The following ROBO2 variants were observed in gnomAD, a reference collection of about 807,000 sequenced individuals.
The protein encoded by ROBO2 is roundabout homolog 2.
Under a neutral mutation model 160.8 loss-of-function variants are expected in ROBO2, and 53 were observed. The observed-to-expected ratio is 0.33, with a 90% CI of 0.26 to 0.41. The LOEUF is 0.41. Among genes scored for constraint, ROBO2 ranks in the 10% least tolerant of loss-of-function variants. The probability of loss-of-function intolerance (pLI) is 1.00; values close to 1 mark genes in which losing one functional copy is unlikely to be tolerated. For missense variants in ROBO2, 1,577 were observed against 1,722.4 expected, an observed-to-expected ratio of 0.92 and a Z score of 1.49; for synonymous variants, 664 against 611.7, an observed-to-expected ratio of 1.09 and a Z score of -1.26.
chr3:76,790,345 G>A (rs894517670), intron 2 of ROBO2, among the ~76,000 whole-genome samples: 3 of 151,664 alleles, frequency 2.0e-5, no homozygotes, highest in Non-Finnish European at 4.4e-5. Context: ...TGATGAAGGA[G>A]TTGCAGAGTA....
intron 2 of ROBO2, among the ~76,000 whole-genome samples, chr3:76,850,354 T>C (rs1231301913): frequency 1.3e-5 from 2 of 152,108 alleles, no homozygotes; most frequent in African/African-American, 4.8e-5. Flanking sequence ...CTGCGCTGAG[T>C]ACTTACAACA....
At chr3:75,977,653 A>T (rs949280003) in intron 2 of ROBO2, among the ~76,000 whole-genome samples, 1 of 151,504 alleles carries the variant, frequency 6.6e-6, no homozygotes, top group Non-Finnish European at 1.5e-5. Context: ...ACTAGGATGG[A>T]TGAACGCTCA....
chr3:76,230,142 C>T (rs1576001441), intron 2 of ROBO2, among the ~76,000 whole-genome samples: 2 of 152,210 alleles, frequency 1.3e-5, no homozygotes, highest in East Asian at 3.9e-4. Context: ...ACTTGATACC[C>T]ACACATCTAT....
chr3:77,046,782 T>C (rs2064714396), intron 1 of ROBO2, among the ~76,000 whole-genome samples: 1 of 152,216 alleles, frequency 6.6e-6, no homozygotes, highest in African/African-American at 2.4e-5. Context: ...TGAGCTTGAA[T>C]ATGTTTAGGT....
chr3:76,218,914 A>G (rs1157077038), intron 2 of ROBO2, among the ~76,000 whole-genome samples: 2 of 152,222 alleles, frequency 1.3e-5, no homozygotes, highest in South Asian at 2.1e-4. Flanking sequence ...TTCAAACTAT[A>G]CTACAAGGCT....
chr3:76,538,747 C>A (rs917126367), intron 2 of ROBO2, among the ~76,000 whole-genome samples: 1 of 152,186 alleles, frequency 6.6e-6, no homozygotes, highest in Non-Finnish European at 1.5e-5. Flanking sequence ...TCCCTCCCTT[C>A]CCTCTCTAGT....
chr3:77,491,530 T>C (rs145699581), intron 4 of ROBO2, among the ~76,000 whole-genome samples: 186 of 152,284 alleles, frequency 1.2e-3, no homozygotes, highest in African/African-American at 4.3e-3. Flanking sequence ...CCAGAAATGA[T>C]AGCTCAATAC....
chr3:77,197,680 A>G (rs1243744807), intron 2 of ROBO2, among the ~76,000 whole-genome samples: 1 of 152,254 alleles, frequency 6.6e-6, no homozygotes, highest in Non-Finnish European at 1.5e-5. Flanking sequence ...GCTAGACAGA[A>G]TAAAGGTCTC....
chr3:77,326,382 A>G (rs894391991), intron 2 of ROBO2, among the ~76,000 whole-genome samples: 3 of 152,144 alleles, frequency 2.0e-5, no homozygotes, highest in African/African-American at 7.2e-5. Context: ...TCAGTTTACC[A>G]CTCTGTTGAT....
At chr3:76,000,334 A>T (rs1023862724) in intron 2 of ROBO2, among the ~76,000 whole-genome samples, 1 of 152,274 alleles carries the variant, frequency 6.6e-6, no homozygotes, top group South Asian at 2.1e-4. Context: ...ACCCATAAAA[A>T]TTGTTCTAAA....
chr3:77,429,680 G>T (rs1330499826), intron 2 of ROBO2, among the ~76,000 whole-genome samples: 1 of 150,296 alleles, frequency 6.7e-6, no homozygotes, highest in Non-Finnish European at 1.5e-5. Flanking sequence ...AAATTCATGA[G>T]AATCAGACCT....
At chr3:76,798,282 A>AAGAAAGAAAGAG in intron 2 of ROBO2, among the ~76,000 whole-genome samples, 2 of 150,234 alleles carry the variant, frequency 1.3e-5, no homozygotes, top group South Asian at 2.1e-4. Context: ...GAAAGAAAGA[A>AAGAAAGAAAGAG]AGAAAGAAAG....
At chr3:77,075,672 C>CTTTTTTTTTTTTTTTTTTTTT (rs1174587812) in intron 1 of ROBO2, among the ~76,000 whole-genome samples, 1 of 87,254 alleles carries the variant, frequency 1.1e-5, no homozygotes, top group African/African-American at 4.9e-5. Context: ...TTTCTTTCTC[C>CTTTTTTTTTTTTTTTTTTTTT]TTTTTTTTTT....
chr3:77,565,096 A>G lies in ROBO2; in HGVS notation c.1825A>G (p.Met609Val). 1 of 1,613,678 alleles carries G rather than the reference A, an allele frequency of 6.2e-7. No individual in the cohort carries two copies. Reference sequence around the variant, plus strand: ...CCAAGGTCTCAGTGACCCAAGTCCCATGTCAGATCCTGTGCGCACACAAGG... The same window carrying G: ...CCAAGGTCTCAGTGACCCAAGTCCCGTGTCAGATCCTGTGCGCACACAAGG... Residue 609 changes from methionine to valine, a missense_variant, in exon 12 of 26, where the codon ATG becomes GTG. Met to Val is a conservative substitution (Grantham distance 21, BLOSUM62 1). This residue lies in a region of ROBO2 where 940 missense variants were observed against 1,135.5 expected (regional missense o/e 0.83). Transcript: ENST00000461745.
At chr3:76,621,470 C>T (rs1404197148) in intron 2 of ROBO2, among the ~76,000 whole-genome samples, 1 of 152,202 alleles carries the variant, frequency 6.6e-6, no homozygotes, top group Non-Finnish European at 1.5e-5. Flanking sequence ...GTGAATAGCT[C>T]TGATGATTCC....
chr3:76,736,055 G>C (rs918381584), intron 2 of ROBO2, among the ~76,000 whole-genome samples: 1 of 151,492 alleles, frequency 6.6e-6, no homozygotes, highest in Non-Finnish European at 1.5e-5. Context: ...AGGCCGAGGC[G>C]GGCGGATCAC....
At chr3:76,988,644 T>C (rs563549073) in intron 2 of ROBO2, among the ~76,000 whole-genome samples, 1 of 152,278 alleles carries the variant, frequency 6.6e-6, no homozygotes, top group East Asian at 1.9e-4. Flanking sequence ...TTCAATTTGC[T>C]GGTGTTGGCC....
intron 2 of ROBO2, among the ~76,000 whole-genome samples, chr3:76,942,579 C>A (rs914398552): frequency 7.9e-5 from 12 of 152,150 alleles, no homozygotes; most frequent in African/African-American, 2.4e-5. Context: ...CCTGGGGATG[C>A]TTTTCTACAC....
chr3:76,231,814 T>G (rs545384939), intron 2 of ROBO2, among the ~76,000 whole-genome samples: 1 of 152,290 alleles, frequency 6.6e-6, no homozygotes, highest in African/African-American at 2.4e-5. Flanking sequence ...ACTGTAATAT[T>G]ATGTGTGGTA....
Sources: gnomAD v4.1 joint callset for allele counts (sites outside exome capture counted in the v4.1 genomes callset) on GRCh38, gnomAD v4.1.1 for gene constraint, gnomAD v4.1.1 regional missense constraint, MANE v1.5 for transcripts, NCBI Gene and HGNC (gene_info 2026-07-23, HGNC 2026-07-21) for gene names.